Variants in CYP3A43 observed in about 807,000 individuals in gnomAD.
CYP3A43 encodes the protein cytochrome P450 family 3 subfamily A member 43.
A neutral mutation model predicts 58.0 loss-of-function variants in CYP3A43; 45 were observed. That is an observed-to-expected ratio of 0.78 (90% CI 0.61 to 0.99). The LOEUF is 0.99. Ranked by LOEUF, CYP3A43 falls within the 50% of genes least tolerant of loss-of-function variation. CYP3A43 has a pLI of 0.00. For missense variants in CYP3A43, 593 were observed against 591.9 expected (o/e 1.00, Z -0.02); for synonymous variants, 191 against 201.4 (o/e 0.95, Z 0.44).
At position 99,863,810 on chromosome 7, in the gene CYP3A43, G is replaced by T. The variant is rs1030955727; in HGVS notation, c.1416+111G>T. ...TCAATAATTTGCTCTGTAGGACAAA[G>T]AATCTAATTGGAGCTATCCATAATG... On this transcript the variant is annotated intron_variant, in intron 12 of 12. Coordinates refer to ENST00000354829, the MANE Select transcript of CYP3A43 (RefSeq NM_057095.3). 11 of 893,368 alleles carry T rather than the reference G, an allele frequency of 1.2e-5. No homozygotes were observed. The Admixed American group carries it at 2.2e-4, about 18-fold the overall frequency. The allele number at this position is 893,368 out of a possible 1,614,324, so 55.3% of individuals were successfully genotyped here. A position where few individuals can be genotyped will look rare whatever the true frequency, so the allele number is the denominator to read the frequency against.
intron 6 of CYP3A43, among the ~76,000 whole-genome samples, chr7:99,849,298 G>C (rs1817655371): frequency 6.6e-6 from 1 of 152,218 alleles, no homozygotes; most frequent in Non-Finnish European, 1.5e-5. Context: ...CCCTATGACT[G>C]AGGTCCTTGA....
In CYP3A43 at chr7:99,855,589, A is replaced by G; in HGVS notation, c.671-2A>G. ...TTCTTTTTCTATTTAATTTTCCTAT[A>G]GCACTCTTTCCATTTCTTACCCCAG... On this transcript the variant is annotated splice_acceptor_variant, in intron 7 of 12. Coordinates refer to ENST00000354829, the MANE Select transcript of CYP3A43 (RefSeq NM_057095.3). LOFTEE classifies it high-confidence loss of function. 1 of 1,602,232 alleles carries G rather than the reference A, an allele frequency of 6.2e-7. No individual in the cohort carries two copies. Among genetic ancestry groups the G allele is most frequent in the Non-Finnish European group, 8.5e-7 (1 of 1,174,114 alleles).
intron 9 of CYP3A43, among the ~76,000 whole-genome samples, chr7:99,857,452 A>G (rs1015288625): frequency 6.6e-6 from 1 of 152,208 alleles, no homozygotes; most frequent in Non-Finnish European, 1.5e-5. Flanking sequence ...CATCATTACT[A>G]TGATGGTCGC....
Position 99,858,724 on chromosome 7 carries a change from A to G in CYP3A43, c.866-1106A>G, listed in dbSNP as rs1004026935. Among the ~76,000 whole-genome samples, 4 of 150,358 alleles carry G rather than the reference A, an allele frequency of 2.7e-5. No individual in the cohort carries two copies. The Admixed American group carries it at 2.7e-4, about 10-fold the overall frequency. ...TTATTATTATTTGAGATGGAGTCTCACTCTGTCACCCAGGCTGGAGTGAAG... is the reference window on the plus strand; with the variant it reads ...TTATTATTATTTGAGATGGAGTCTCGCTCTGTCACCCAGGCTGGAGTGAAG... On this transcript the variant is annotated intron_variant, in intron 9 of 12. Transcript: ENST00000354829.
chr7:99,861,968 G>C, intron 11 of CYP3A43, 129 bp downstream of exon 11: 1 of 766,578 alleles, frequency 1.3e-6, no homozygotes. Flanking sequence ...ATTACAAAAT[G>C]ATAACTGTTA....
chr7:99,859,999 A>G lies in CYP3A43; in HGVS notation c.1026+9A>G. ...CAGTTTTACCCAATAAGGTAAGGGG[A>G]TGATCCCCTGGAGAAGGAGGGAGAA... On this transcript the variant is annotated intron_variant, in intron 10 of 12. Coordinates refer to ENST00000354829, the MANE Select transcript of CYP3A43 (RefSeq NM_057095.3). 1.3e-6 allele frequency: 2 copies of G among 1,577,084 alleles called. No homozygotes were observed. Among genetic ancestry groups the G allele is most frequent in the Non-Finnish European group, 1.7e-6 (2 of 1,162,792 alleles).
intron 2 of CYP3A43, among the ~76,000 whole-genome samples, chr7:99,837,072 G>A (rs1478548644): frequency 6.6e-6 from 1 of 150,984 alleles, no homozygotes; most frequent in East Asian, 1.9e-4. Context: ...TTGGGAGGCC[G>A]AGACGGGCGG....
At chr7:99,849,847 C>A in intron 7 of CYP3A43, 153 bp downstream of exon 7, 1 of 816,400 alleles carries the variant, frequency 1.2e-6, no homozygotes, top group Non-Finnish European at 1.9e-6. Flanking sequence ...ATATGCACAA[C>A]CAACATCATT....
At chr7:99,830,462 G>C (rs1031984631) in intron 1 of CYP3A43, among the ~76,000 whole-genome samples, 12 of 152,002 alleles carry the variant, frequency 7.9e-5, no homozygotes, top group Admixed American at 3.9e-4. Flanking sequence ...AGGTTGCAGT[G>C]AGCCAAGATT....
chr7:99,857,973 C>G (rs1818051739), intron 9 of CYP3A43, among the ~76,000 whole-genome samples: 1 of 152,180 alleles, frequency 6.6e-6, no homozygotes, highest in Non-Finnish European at 1.5e-5. Context: ...ATCTGTCCAT[C>G]TGTCCCAGTG....
rs763610341 is a variant in CYP3A43 at position 99,828,148 on chromosome 7, A to G, written c.33A>G (p.Thr11=). 1.2e-6 allele frequency: 2 copies of G among 1,613,226 alleles called. No homozygotes were observed. ...TCATTCCAAACTTTGCCATGGAAAC[A>G]TGGGTTCTTGTGGCTACCAGCCTGG... MDLIPNFAME[T]WVLVATSLVL... is the part of the protein sequence containing the mutation. Residue 11 remains threonine (T), a synonymous_variant, in exon 1 of 13, where the codon ACA becomes ACG. Coordinates refer to ENST00000354829, the MANE Select transcript of CYP3A43 (RefSeq NM_057095.3).
Position 99,847,583 on chromosome 7 carries a change from CA to C in CYP3A43, c.415del (p.Ser139ValfsTer2). 1 of 1,613,718 alleles carries C rather than the reference CA, an allele frequency of 6.2e-7. No individual in the cohort carries two copies. Among genetic ancestry groups the C allele is most frequent in the Non-Finnish European group, 8.5e-7 (1 of 1,179,856 alleles). On this transcript the variant is annotated frameshift_variant, in exon 5 of 13. Transcript: ENST00000354829. LOFTEE classifies it high-confidence loss of function. ...GAACATTGCTATCTCCAGCTTTCAC[CA>C]GTGTAAAATTCAAGGAAGTAAGAAA... Reference protein sequence around the residue: ...IRTLLSPAFTSVKFKEMVPII... With the variant: ...IRTLLSPAFTXVKFKEMVPII...
At chr7:99,856,439 CT>C (rs1199601191) in intron 8 of CYP3A43, among the ~76,000 whole-genome samples, 1 of 152,160 alleles carries the variant, frequency 6.6e-6, no homozygotes, top group Non-Finnish European at 1.5e-5. Context: ...AGAGATTAAT[CT>C]ATTTGTCCAT....
chr7:99,861,528 C>T, intron 10 of CYP3A43, 85 bp from the exon 11 acceptor site: 1 of 1,150,398 alleles, frequency 8.7e-7, no homozygotes, highest in Non-Finnish European at 1.3e-6. Flanking sequence ...CTCTGGAGCT[C>T]CTAACACTTC....
rs543190723 is a variant in CYP3A43 at position 99,859,724 on chromosome 7, A to G, written c.866-106A>G. On this transcript the variant is annotated intron_variant, in intron 9 of 12. Coordinates refer to ENST00000354829, the MANE Select transcript of CYP3A43 (RefSeq NM_057095.3). Reference sequence around the variant, plus strand: ...CAGTGTGACTCTGAATTGCTTTTCTATTTTTGCTCTTAGGGATTTGGGAGC... The same window carrying G: ...CAGTGTGACTCTGAATTGCTTTTCTGTTTTTGCTCTTAGGGATTTGGGAGC... 3.5e-5 allele frequency: 51 copies of G among 1,452,400 alleles called. No homozygotes were observed. The Middle Eastern group carries it at 5.3e-4, about 15-fold the overall frequency. 90.0% of individuals were successfully genotyped at this position (1,452,400 alleles called of 1,614,324 possible).
chr7:99,862,484 G>A (rs472660), intron 11 of CYP3A43, among the ~76,000 whole-genome samples: 40,801 of 152,076 alleles, frequency 0.27, 9,635 homozygotes, highest in African/African-American at 0.64. Context: ...CGGCTCCCTT[G>A]TACTCTCAGT....
chr7:99,861,724 G>A lies in CYP3A43; in HGVS notation c.1138G>A (p.Asp380Asn), dbSNP rs1319223986. The change falls in exon 11 of 13, where the codon GAT becomes AAT. Residue 380 changes from aspartate to asparagine, a missense_variant. Asp to Asn is a conservative substitution (Grantham distance 23). Coordinates refer to ENST00000354829, the MANE Select transcript of CYP3A43 (RefSeq NM_057095.3). ...VSRVTRVCKK[D>N]IEINGVFIPK... ...TAGAGTTACGAGAGTCTGCAAGAAA[G>A]ATATTGAAATCAATGGAGTGTTCAT... 1 of 1,614,168 alleles carries A rather than the reference G, an allele frequency of 6.2e-7. No individual in the cohort carries two copies. The highest frequency in any genetic ancestry group is 1.1e-5 in the South Asian group (1 of 91,080).
intron 6 of CYP3A43, 27 bp downstream of exon 6, chr7:99,848,281 A>G (rs1817615853): frequency 7.5e-6 from 12 of 1,608,032 alleles, no homozygotes; most frequent in Non-Finnish European, 8.5e-6. Context: ...TGAGGTTCTG[A>G]GCTGTCATGA....
intron 7 of CYP3A43, among the ~76,000 whole-genome samples, chr7:99,853,226 G>T (rs1270242482): frequency 6.6e-6 from 1 of 151,980 alleles, no homozygotes; most frequent in African/African-American, 2.4e-5. Context: ...ATCTGGCCTG[G>T]CCTTTTCTTT....
Sources: allele counts gnomAD v4.1 joint callset (sites outside exome capture counted in the v4.1 genomes callset), GRCh38; gene constraint gnomAD v4.1.1; transcripts MANE v1.5; gene names NCBI Gene and HGNC (gene_info 2026-07-23, HGNC 2026-07-21).